The following BTBD9 variants were observed in gnomAD, a reference collection of about 807,000 sequenced individuals.
The protein encoded by BTBD9 is BTB/POZ domain-containing protein 9.
In BTBD9, 49 loss-of-function variants were observed where a neutral mutation model predicts 64.3. That is an observed-to-expected ratio of 0.76 (90% CI 0.61 to 0.97). The LOEUF (loss-of-function observed/expected upper bound fraction) is 0.97, where lower values mean the gene tolerates loss of function less well. Ranked by LOEUF, BTBD9 falls within the 50% of genes least tolerant of loss-of-function variation. The probability of loss-of-function intolerance (pLI) is 0.00; values close to 1 mark genes in which losing one functional copy is unlikely to be tolerated. For synonymous variants in BTBD9, 260 were observed against 274.7 expected (o/e 0.95, Z 0.53); for missense variants, 598 against 762.1 (o/e 0.78, Z 2.53).
At chr6:38,315,892 A>G (rs1296021593) in intron 7 of BTBD9, among the ~76,000 whole-genome samples, 2 of 152,166 alleles carry the variant, frequency 1.3e-5, no homozygotes, top group African/African-American at 2.4e-5. Context: ...TGATCGGTCC[A>G]ATGCTGAAAG....
chr6:38,175,291 A>C (rs1766951804), intron 10 of BTBD9, 109 bp from the exon 11 acceptor site: 1 of 1,152,644 alleles, frequency 8.7e-7, no homozygotes, highest in Admixed American at 2.0e-5. Context: ...ACCACGAGGG[A>C]GTTAGAGGAG....
intron 8 of BTBD9, among the ~76,000 whole-genome samples, chr6:38,269,688 C>CA: frequency 1.3e-5 from 2 of 152,212 alleles, no homozygotes; most frequent in South Asian, 4.1e-4. Context: ...CCCACTGCTG[C>CA]AGAAGATGTG....
chr6:38,363,181 T>C (rs368220801), intron 6 of BTBD9, among the ~76,000 whole-genome samples: 2 of 152,324 alleles, frequency 1.3e-5, no homozygotes, highest in Non-Finnish European at 2.9e-5. Flanking sequence ...CTCCAACTCC[T>C]GGGCTCAACG....
intron 6 of BTBD9, among the ~76,000 whole-genome samples, chr6:38,395,461 C>T (rs956733112): frequency 6.6e-6 from 1 of 152,074 alleles, no homozygotes; most frequent in African/African-American, 2.4e-5. Context: ...TCATGTGAGG[C>T]CACTGCTAGA....
intron 1 of BTBD9, among the ~76,000 whole-genome samples, chr6:38,602,244 A>G (rs1777275625): frequency 6.6e-6 from 1 of 152,190 alleles, no homozygotes; most frequent in Admixed American, 6.5e-5. Context: ...CAGTCACATA[A>G]GAGTACAAAA....
chr6:38,529,802 A>AT (rs1331390599), intron 6 of BTBD9, among the ~76,000 whole-genome samples: 1 of 152,286 alleles, frequency 6.6e-6, no homozygotes, highest in Non-Finnish European at 1.5e-5. Context: ...AACTGTACAA[A>AT]TTGATTGTAA....
chr6:38,414,053 A>C (rs9470876), intron 6 of BTBD9, among the ~76,000 whole-genome samples: 13,452 of 152,180 alleles, frequency 0.088, 627 homozygotes, highest in Middle Eastern at 0.11. Context: ...TGCTCATTTA[A>C]CATAGTCCAG....
At chr6:38,307,429 C>G (rs1221318058) in intron 7 of BTBD9, among the ~76,000 whole-genome samples, 1 of 152,172 alleles carries the variant, frequency 6.6e-6, no homozygotes, top group African/African-American at 2.4e-5. Flanking sequence ...TTATATATAG[C>G]ATACAATTTT....
chr6:38,549,971 C>T (rs1375358743), intron 6 of BTBD9, among the ~76,000 whole-genome samples: 2 of 152,150 alleles, frequency 1.3e-5, no homozygotes, highest in Non-Finnish European at 2.9e-5. Flanking sequence ...AGAAACTATC[C>T]TCGCTGAGCC....
At chr6:38,544,790 G>A (rs1183985308) in intron 6 of BTBD9, among the ~76,000 whole-genome samples, 1 of 151,872 alleles carries the variant, frequency 6.6e-6, no homozygotes, top group Non-Finnish European at 1.5e-5. Context: ...AGCCGGGCGT[G>A]GTGGTGGGCA....
intron 6 of BTBD9, among the ~76,000 whole-genome samples, chr6:38,356,130 T>A (rs532620363): frequency 6.6e-6 from 1 of 152,164 alleles, no homozygotes; most frequent in Non-Finnish European, 1.5e-5. Context: ...TCTTGGAGCA[T>A]GTAGATTTTC....
intron 7 of BTBD9, among the ~76,000 whole-genome samples, chr6:38,310,256 T>C (rs2127570091): frequency 6.6e-6 from 1 of 152,278 alleles, no homozygotes; most frequent in East Asian, 1.9e-4. Context: ...AGTTCTACCC[T>C]GAGGCACCAG....
At chr6:38,374,294 T>TATACATATATATATATATATAC (rs1282896109) in intron 6 of BTBD9, among the ~76,000 whole-genome samples, 1 of 80,412 alleles carries the variant, frequency 1.2e-5, no homozygotes, top group East Asian at 5.2e-4. Context: ...TATATATATA[T>TATACATATATATATATATATAC]ATGTATATAT....
intron 4 of BTBD9, among the ~76,000 whole-genome samples, chr6:38,586,051 A>G (rs191855066): frequency 1.3e-5 from 2 of 152,144 alleles, no homozygotes; most frequent in Non-Finnish European, 2.9e-5. Context: ...TTCAATAAAG[A>G]TATCTTGAGG....
intron 6 of BTBD9, among the ~76,000 whole-genome samples, chr6:38,509,901 T>C (rs1772704398): frequency 6.6e-6 from 1 of 152,170 alleles, no homozygotes; most frequent in South Asian, 2.1e-4. Context: ...ATCAAAAAAA[T>C]ATTTATCAAG....
chr6:38,428,136 G>A (rs1768264047), intron 6 of BTBD9, among the ~76,000 whole-genome samples: 1 of 151,882 alleles, frequency 6.6e-6, no homozygotes, highest in Non-Finnish European at 1.5e-5. Context: ...CAGTGGGGCA[G>A]AACAGGCACC....
chr6:38,589,666 C>T (rs545493167), intron 4 of BTBD9, among the ~76,000 whole-genome samples: 1 of 152,292 alleles, frequency 6.6e-6, no homozygotes, highest in East Asian at 1.9e-4. Context: ...ATCAGACAGA[C>T]AATATGTTAT....
chr6:38,354,783 T>C (rs1033163910), intron 6 of BTBD9, among the ~76,000 whole-genome samples: 2 of 152,068 alleles, frequency 1.3e-5, no homozygotes, highest in Admixed American at 6.6e-5. Context: ...TCAATAAACT[T>C]ATGCATAAAG....
At chr6:38,561,144 T>C (rs1415294218) in intron 6 of BTBD9, among the ~76,000 whole-genome samples, 2 of 152,190 alleles carry the variant, frequency 1.3e-5, no homozygotes, top group Non-Finnish European at 2.9e-5. Flanking sequence ...TCTAGTTCTT[T>C]AAAGAAATAG....
Sources: gnomAD v4.1 joint callset for allele counts (sites outside exome capture counted in the v4.1 genomes callset) on GRCh38, gnomAD v4.1.1 for gene constraint, MANE v1.5 for transcripts, NCBI Gene and HGNC (gene_info 2026-07-23, HGNC 2026-07-21) for gene names.